The following PLCB4 variants were observed in gnomAD, a reference collection of about 807,000 sequenced individuals.
PLCB4 encodes the protein phospholipase C beta 4, also known as 1-phosphatidylinositol 4,5-bisphosphate phosphodiesterase beta-4.
Under a neutral mutation model 178.8 loss-of-function variants are expected in PLCB4, and 77 were observed. The ratio of observed to expected loss-of-function variants is 0.43; its 90% confidence interval spans 0.36 to 0.52. The LOEUF (loss-of-function observed/expected upper bound fraction) is 0.52, where lower values mean the gene tolerates loss of function less well. PLCB4 is among the 20% of genes least tolerant of loss of function. The pLI is 0.00. For synonymous variants in PLCB4, 496 were observed against 490.8 expected (o/e 1.01, Z -0.14); for missense variants, 1,024 against 1,453.4 (o/e 0.70, Z 4.80).
chr20:9,307,053 G>A (rs73609452), intron 3 of PLCB4, among the ~76,000 whole-genome samples: 3,242 of 152,168 alleles, frequency 0.021, 126 homozygotes, highest in African/African-American at 0.073. Context: ...CCCTGCTAGA[G>A]GGCTTCATTC....
chr20:9,378,793 A>G (rs941604434), intron 12 of PLCB4, among the ~76,000 whole-genome samples: 20 of 152,106 alleles, frequency 1.3e-4, no homozygotes, highest in African/African-American at 3.6e-4. Flanking sequence ...TCGGTGGGGG[A>G]GGAGGGGACC....
chr20:9,159,086 A>G (rs1488848156), intron 2 of PLCB4, among the ~76,000 whole-genome samples: 1 of 152,204 alleles, frequency 6.6e-6, no homozygotes, highest in Non-Finnish European at 1.5e-5. Flanking sequence ...TATCTGAATG[A>G]TTAGCCCTAA....
intron 2 of PLCB4, among the ~76,000 whole-genome samples, chr20:9,215,443 T>C (rs1884894): frequency 0.078 from 11,897 of 152,182 alleles, 1,014 homozygotes; most frequent in African/African-American, 0.21. Flanking sequence ...TGAGAGTACA[T>C]ACATTTTTGA....
At position 9,439,081 on chromosome 20, in the gene PLCB4, T is replaced by C. The variant is rs117704674; in HGVS notation, c.2764+1929T>C. The stretch of plus-strand genomic sequence containing the variant: ...GACAGGAAGAATTCTTGACAGACGG[T>C]GTATCAGTCAGCTTATGCTGCATAA... On this transcript the variant is annotated intron_variant, in intron 30 of 39. Transcript: ENST00000378473. Among the ~76,000 whole-genome samples, 27 of 152,314 alleles carry C rather than the reference T, an allele frequency of 1.8e-4. No homozygotes were observed. The East Asian group carries it at 5.0e-3, about 28-fold the overall frequency.
intron 28 of PLCB4, among the ~76,000 whole-genome samples, chr20:9,425,857 CAGA>C (rs2040966135): frequency 6.6e-6 from 1 of 152,210 alleles, no homozygotes; most frequent in Non-Finnish European, 1.5e-5. Context: ...CTGTAGATAA[CAGA>C]AGAAGAATAT....
At chr20:9,405,283 G>T in intron 20 of PLCB4, 30 bp from the exon 21 acceptor site, 1 of 1,400,960 alleles carries the variant, frequency 7.1e-7, no homozygotes, top group Non-Finnish European at 9.8e-7. Context: ...CTTTAGAGAA[G>T]TAAACAAATT....
chr20:9,230,047 A>C (rs1467562170), intron 3 of PLCB4, among the ~76,000 whole-genome samples: 1 of 152,166 alleles, frequency 6.6e-6, no homozygotes, highest in Non-Finnish European at 1.5e-5. Flanking sequence ...GTCCAAGATC[A>C]AGGTGTTGGC....
chr20:9,456,310 C>G (rs183412758), intron 33 of PLCB4, among the ~76,000 whole-genome samples: 136 of 152,316 alleles, frequency 8.9e-4, no homozygotes, highest in African/African-American at 2.9e-3. Flanking sequence ...AAGCTTTATT[C>G]AAGTGCTTCC....
intron 2 of PLCB4, among the ~76,000 whole-genome samples, chr20:9,187,139 T>C (rs997653815): frequency 6.6e-6 from 1 of 151,942 alleles, no homozygotes; most frequent in African/African-American, 2.4e-5. Flanking sequence ...TGGATAATTT[T>C]TGTATTTTTT....
intron 2 of PLCB4, among the ~76,000 whole-genome samples, chr20:9,148,665 A>G (rs753356632): frequency 1.3e-5 from 2 of 152,190 alleles, no homozygotes; most frequent in African/African-American, 4.8e-5. Context: ...GCCTTCTAGA[A>G]TAGCTGGCAC....
chr20:9,133,430 A>G (rs1368066026), intron 2 of PLCB4, among the ~76,000 whole-genome samples: 1 of 126,400 alleles, frequency 7.9e-6, no homozygotes, highest in Non-Finnish European at 1.6e-5. Context: ...ACCATGCCCA[A>G]CAAATTTTTG....
intron 2 of PLCB4, among the ~76,000 whole-genome samples, chr20:9,213,351 G>C (rs983697413): frequency 3.5e-5 from 5 of 141,030 alleles, no homozygotes; most frequent in Non-Finnish European, 5.9e-5. Context: ...CACTATGTTG[G>C]CTAGGCTGGT....
chr20:9,243,049 G>A (rs925014031), intron 3 of PLCB4, among the ~76,000 whole-genome samples: 1 of 152,156 alleles, frequency 6.6e-6, no homozygotes, highest in Non-Finnish European at 1.5e-5. Flanking sequence ...TTTAGTGTAA[G>A]TATGTTCCAT....
At chr20:9,423,284 C>T (rs2040773457) in intron 27 of PLCB4, among the ~76,000 whole-genome samples, 1 of 152,152 alleles carries the variant, frequency 6.6e-6, no homozygotes, top group South Asian at 2.1e-4. Flanking sequence ...TTTATTTATT[C>T]AGAGATACTT....
intron 1 of PLCB4, among the ~76,000 whole-genome samples, chr20:9,073,814 A>G (rs2089690667): frequency 6.6e-6 from 1 of 152,158 alleles, no homozygotes; most frequent in South Asian, 2.1e-4. Context: ...CTCAAGCCCA[A>G]GAGTTCAAGG....
At chr20:9,433,533 A>G (rs1465473129) in intron 28 of PLCB4, among the ~76,000 whole-genome samples, 2 of 152,222 alleles carry the variant, frequency 1.3e-5, no homozygotes, top group Non-Finnish European at 2.9e-5. Flanking sequence ...ATGTTCTGAT[A>G]TATGGAATTC....
intron 2 of PLCB4, among the ~76,000 whole-genome samples, chr20:9,158,949 C>G (rs2092837538): frequency 6.6e-6 from 1 of 152,156 alleles, no homozygotes; most frequent in South Asian, 2.1e-4. Context: ...CTCCTACACT[C>G]TGAGAATCAC....
At chr20:9,148,111 G>A (rs2092630228) in intron 2 of PLCB4, among the ~76,000 whole-genome samples, 1 of 152,172 alleles carries the variant, frequency 6.6e-6, no homozygotes, top group Non-Finnish European at 1.5e-5. Flanking sequence ...AAGGCTGAAA[G>A]GATTGTGGAC....
At chr20:9,204,693 G>A (rs2093595209) in intron 2 of PLCB4, among the ~76,000 whole-genome samples, 2 of 151,992 alleles carry the variant, frequency 1.3e-5, no homozygotes, top group South Asian at 2.1e-4. Flanking sequence ...AACCAGTGAC[G>A]TAAGAAATGT....
Sources: gnomAD v4.1 joint callset for allele counts (sites outside exome capture counted in the v4.1 genomes callset) on GRCh38, gnomAD v4.1.1 for gene constraint, MANE v1.5 for transcripts, NCBI Gene and HGNC (gene_info 2026-07-23, HGNC 2026-07-21) for gene names.